The following PARD3 variants were observed in gnomAD, a reference collection of about 807,000 sequenced individuals.
PARD3 encodes the protein partitioning defective 3 homolog.
PARD3 carries 75 observed loss-of-function variants against 155.4 expected under a neutral mutation model. That is an observed-to-expected ratio of 0.48 (90% CI 0.40 to 0.58). PARD3 has a LOEUF of 0.58. Among genes scored for constraint, PARD3 ranks in the 20% least tolerant of loss-of-function variants. PARD3 has a pLI of 0.00. For synonymous variants in PARD3, 576 were observed against 610.5 expected, an observed-to-expected ratio of 0.94 and a Z score of 0.83; for missense variants, 1,642 against 1,721.7, an observed-to-expected ratio of 0.95 and a Z score of 0.82.
intron 23 of PARD3, among the ~76,000 whole-genome samples, chr10:34,124,435 G>T (rs1267252273): frequency 2.0e-5 from 3 of 152,202 alleles, no homozygotes; most frequent in Admixed American, 2.0e-4. Context: ...TAAATCATGT[G>T]AAGAGTGTCA....
chr10:34,378,132 T>G, intron 9 of PARD3, 26 bp from the exon 10 acceptor site: 1 of 1,543,120 alleles, frequency 6.5e-7, no homozygotes, highest in Middle Eastern at 1.7e-4. Context: ...AGAAGAAAAG[T>G]AAATAAAATG....
chr10:34,326,125 TAAAAAAAAAAA>T (rs979390862), intron 19 of PARD3, among the ~76,000 whole-genome samples: 1 of 108,884 alleles, frequency 9.2e-6, no homozygotes, highest in Non-Finnish European at 2.0e-5. Context: ...ACACTCTTTC[TAAAAAAAAAAA>T]AAAAAAAAAG....
chr10:34,514,589 T>C (rs2081594905), intron 3 of PARD3, among the ~76,000 whole-genome samples: 1 of 152,192 alleles, frequency 6.6e-6, no homozygotes, highest in South Asian at 2.1e-4. Context: ...ATCTAAACCT[T>C]AGCATACCAA....
intron 2 of PARD3, among the ~76,000 whole-genome samples, chr10:34,676,477 A>G (rs190925029): frequency 1.1e-3 from 171 of 152,224 alleles, no homozygotes; most frequent in African/African-American, 3.9e-3. Flanking sequence ...ATCCACACAC[A>G]TCCCCCAAAA....
chr10:34,748,642 G>A (rs1835604173), intron 1 of PARD3, among the ~76,000 whole-genome samples: 1 of 151,764 alleles, frequency 6.6e-6, no homozygotes, highest in African/African-American at 2.4e-5. Context: ...TCAAGTAGCA[G>A]CATCCCCCCC....
At chr10:34,788,754 T>C (rs564945656) in intron 1 of PARD3, among the ~76,000 whole-genome samples, 3 of 152,204 alleles carry the variant, frequency 2.0e-5, no homozygotes, top group African/African-American at 7.2e-5. Context: ...CACTAACATA[T>C]GATCAAAATG....
chr10:34,340,308 A>C (rs1404786492), intron 16 of PARD3, among the ~76,000 whole-genome samples: 1 of 152,154 alleles, frequency 6.6e-6, no homozygotes, highest in African/African-American at 2.4e-5. Context: ...TAAGATGAAC[A>C]CTGCGTCTAT....
chr10:34,344,234 G>T, intron 15 of PARD3: 1 of 984,192 alleles, frequency 1.0e-6, no homozygotes, highest in Non-Finnish European at 1.2e-6. Flanking sequence ...AATTAGTTAT[G>T]CTGACTATCC....
Position 34,378,005 on chromosome 10 carries a change from G to A in PARD3, c.1501C>T (p.Gln501Ter). The part of the protein sequence containing the change: ...KNILPRGAAI[Q>*]DGRLKAGDRL... ...TCTCCTGCCTTAAGTCGGCCATCCT[G>A]AATGGCCGCCCCCCGGGGGAGAATG... Residue 501 changes from glutamine (Q) to a stop codon, truncating the protein, a stop_gained, in exon 10 of 25, where the codon CAG becomes TAG. Coordinates refer to ENST00000374788, the MANE Select transcript of PARD3 (RefSeq NM_001184785.2). LOFTEE classifies it high-confidence loss of function. The A allele has an allele frequency of 6.3e-7, 1 of 1,587,052 alleles. No homozygotes were observed. The highest frequency in any genetic ancestry group is 8.6e-7 in the Non-Finnish European group (1 of 1,169,494).
intron 22 of PARD3, among the ~76,000 whole-genome samples, chr10:34,216,345 A>C (rs1490680080): frequency 1.3e-5 from 2 of 152,202 alleles, no homozygotes; most frequent in African/African-American, 4.8e-5. Flanking sequence ...ACACTGTCAA[A>C]TTTGTAAGCA....
intron 1 of PARD3, among the ~76,000 whole-genome samples, chr10:34,696,701 A>G (rs1396422009): frequency 6.7e-6 from 1 of 150,214 alleles, no homozygotes; most frequent in East Asian, 1.9e-4. Context: ...CATAAGTAAT[A>G]CTGATTTCTC....
intron 2 of PARD3, among the ~76,000 whole-genome samples, chr10:34,637,395 AAACGTCCATT>A (rs2092516503): frequency 6.6e-6 from 1 of 152,350 alleles, no homozygotes; most frequent in South Asian, 2.1e-4. Flanking sequence ...GTACAATGAG[AAACGTCCATT>A]AACGTGAGAG....
intron 2 of PARD3, among the ~76,000 whole-genome samples, chr10:34,577,660 G>T (rs2087006560): frequency 6.6e-6 from 1 of 152,038 alleles, no homozygotes; most frequent in Admixed American, 6.5e-5. Context: ...TCTCCTGTCT[G>T]TAAAATGGGG....
At chr10:34,160,987 G>A (rs1201143150) in intron 22 of PARD3, among the ~76,000 whole-genome samples, 1 of 152,134 alleles carries the variant, frequency 6.6e-6, no homozygotes, top group Non-Finnish European at 1.5e-5. Flanking sequence ...CAGGTGTGGT[G>A]GCTCATGCCT....
intron 24 of PARD3, 150 bp from the exon 25 acceptor site, chr10:34,111,712 G>C: frequency 3.0e-6 from 2 of 671,668 alleles, no homozygotes; most frequent in Non-Finnish European, 5.0e-6. Flanking sequence ...ATAGGGGCTG[G>C]AGAATTCAAA....
chr10:34,261,807 AAGAAAGAAAG>A (rs1349858421), intron 22 of PARD3, among the ~76,000 whole-genome samples: 46 of 149,768 alleles, frequency 3.1e-4, no homozygotes, highest in African/African-American at 1.1e-3. Context: ...GAAAGAAAGA[AAGAAAGAAAG>A]AAAGAAAGAA....
chr10:34,144,197 CA>C (rs1419975572), intron 22 of PARD3, among the ~76,000 whole-genome samples: 1 of 151,966 alleles, frequency 6.6e-6, no homozygotes, highest in Non-Finnish European at 1.5e-5. Flanking sequence ...TTGTCAATTA[CA>C]TTTTTTTTTC....
intron 22 of PARD3, among the ~76,000 whole-genome samples, chr10:34,154,488 A>G (rs1948912481): frequency 6.6e-6 from 1 of 152,208 alleles, no homozygotes; most frequent in South Asian, 2.1e-4. Context: ...GGGAGGATAC[A>G]AACACCTTAT....
At chr10:34,787,251 C>T (rs1588746671) in intron 1 of PARD3, among the ~76,000 whole-genome samples, 1 of 152,038 alleles carries the variant, frequency 6.6e-6, no homozygotes. Context: ...TGGTGGCGGG[C>T]GCCTGTAATC....
Sources: gnomAD v4.1 joint callset for allele counts (sites outside exome capture counted in the v4.1 genomes callset) on GRCh38, gnomAD v4.1.1 for gene constraint, MANE v1.5 for transcripts, NCBI Gene and HGNC (gene_info 2026-07-23, HGNC 2026-07-21) for gene names.